Variants in TTC3 observed in about 807,000 individuals in gnomAD.
TTC3 encodes E3 ubiquitin-protein ligase TTC3.
In TTC3, 180 loss-of-function variants were observed where a neutral mutation model predicts 249.6. The observed-to-expected ratio is 0.72, with a 90% CI of 0.64 to 0.82. TTC3 has a LOEUF of 0.82. TTC3 is among the 40% of genes least tolerant of loss of function. The pLI, the probability that TTC3 is intolerant of heterozygous loss-of-function variation, is 0.00. For synonymous variants in TTC3, 717 were observed against 805.0 expected, an observed-to-expected ratio of 0.89 and a Z score of 1.85; for missense variants, 2,061 against 2,398.4, an observed-to-expected ratio of 0.86 and a Z score of 2.94.
chr21:37,131,494 A>G (rs1190638553), intron 16 of TTC3, among the ~76,000 whole-genome samples: 3 of 152,108 alleles, frequency 2.0e-5, no homozygotes, highest in Admixed American at 6.5e-5. Flanking sequence ...CAACCTTCCT[A>G]TGCATCTCTT....
chr21:37,166,827 C>T (rs1259488493), intron 33 of TTC3, among the ~76,000 whole-genome samples: 2 of 152,136 alleles, frequency 1.3e-5, no homozygotes, highest in African/African-American at 4.8e-5. Context: ...ATAAACAATA[C>T]CCATCTTTGC....
chr21:37,088,042 A>G, intron 3 of TTC3, 154 bp from the exon 4 acceptor site: 1 of 936,938 alleles, frequency 1.1e-6, no homozygotes. Flanking sequence ...AGTTTTTGCC[A>G]GCACTTAAAT....
intron 17 of TTC3, among the ~76,000 whole-genome samples, chr21:37,133,640 C>A (rs577733465): frequency 1.7e-4 from 26 of 152,216 alleles, no homozygotes; most frequent in Non-Finnish European, 3.5e-4. Context: ...ATTGGGTGCA[C>A]AGTGATATGA....
chr21:37,130,188 C>A (rs2077358215), intron 16 of TTC3, among the ~76,000 whole-genome samples: 1 of 151,966 alleles, frequency 6.6e-6, no homozygotes, highest in African/African-American at 2.4e-5. Flanking sequence ...AGTGAAGTCT[C>A]ATTTCTTTTC....
At chr21:37,171,819 T>C (rs2081823976) in intron 34 of TTC3, among the ~76,000 whole-genome samples, 1 of 152,184 alleles carries the variant, frequency 6.6e-6, no homozygotes, top group South Asian at 2.1e-4. Context: ...AAATACTTGA[T>C]TCCCTGCTTT....
chr21:37,138,741 C>G, intron 19 of TTC3, 27 bp downstream of exon 19: 1 of 1,483,688 alleles, frequency 6.7e-7, no homozygotes, highest in Non-Finnish European at 9.3e-7. Context: ...TGGTAATAAA[C>G]AATTAAAATG....
chr21:37,132,627 T>C, intron 16 of TTC3, 55 bp from the exon 17 acceptor site: 1 of 1,431,490 alleles, frequency 7.0e-7, no homozygotes, highest in Non-Finnish European at 9.5e-7. Flanking sequence ...TTTTTCTTTA[T>C]ATGAGTAGAA....
rs762290774 is a variant in TTC3 at position 37,129,100 on chromosome 21, A to G, written c.1358+37A>G. On this transcript the variant is annotated intron_variant, in intron 16 of 45. Transcript: ENST00000355666. ...CTCTAAGGTATGTTTTTTTCCCCTT[A>G]ATATACTCTTCCCAAGAAAAAGGAA... The G allele has an allele frequency of 7.5e-6, 11 of 1,461,298 alleles. No homozygotes were observed. In the Admixed American group the frequency reaches 2.4e-4, roughly 32 times the overall value. The allele number at this position is 1,461,298 out of a possible 1,614,324, so 90.5% of individuals were successfully genotyped here.
At chr21:37,147,355 T>G in intron 21 of TTC3, 126 bp from the exon 22 acceptor site, 2 of 811,564 alleles carry the variant, frequency 2.5e-6, no homozygotes, top group South Asian at 2.4e-5. Flanking sequence ...TAGTTTGTTG[T>G]TGGTGAAAAA....
chr21:37,075,393 A>G (rs369592053), intron 1 of TTC3, among the ~76,000 whole-genome samples: 2 of 152,298 alleles, frequency 1.3e-5, no homozygotes, highest in East Asian at 1.9e-4. Context: ...CTGCTTGTGC[A>G]CACATTTGGA....
At chr21:37,152,309 A>C (rs992047908) in intron 26 of TTC3, among the ~76,000 whole-genome samples, 2 of 152,044 alleles carry the variant, frequency 1.3e-5, no homozygotes, top group African/African-American at 4.8e-5. Context: ...TTGTATATAA[A>C]GTTAAGGTAG....
intron 11 of TTC3, among the ~76,000 whole-genome samples, chr21:37,116,638 G>A (rs975244873): frequency 2.6e-5 from 4 of 151,522 alleles, no homozygotes; most frequent in South Asian, 2.1e-4. Flanking sequence ...GTGAAACCCC[G>A]TCTCTACAAA....
chr21:37,091,018 A>G (rs1474460377), intron 6 of TTC3, among the ~76,000 whole-genome samples: 2 of 152,216 alleles, frequency 1.3e-5, no homozygotes, highest in African/African-American at 4.8e-5. Flanking sequence ...TGTAGACCTC[A>G]AATTGCAGGT....
Position 37,165,857 on chromosome 21 carries a change from A to T in TTC3, c.3643A>T (p.Lys1215Ter). 1 of 1,614,230 alleles carries T rather than the reference A, an allele frequency of 6.2e-7. No homozygotes were observed. Among genetic ancestry groups the T allele is most frequent in the Non-Finnish European group, 8.5e-7 (1 of 1,180,038 alleles). ...ACTGAATCCAGCTGCTAGGGAATTTAAACCAGATGTAAAGTCTAAACCAGT... is the reference window on the plus strand; with the variant it reads ...ACTGAATCCAGCTGCTAGGGAATTTTAACCAGATGTAAAGTCTAAACCAGT... Residue 1215 changes from lysine (K) to a stop codon, truncating the protein, a stop_gained, in exon 33 of 46, where the codon AAA (lysine) becomes TAA (stop). Coordinates refer to ENST00000355666, the Ensembl canonical transcript of TTC3. LOFTEE classifies it high-confidence loss of function.
At chr21:37,132,965 G>A (rs1211647981) in intron 17 of TTC3, among the ~76,000 whole-genome samples, 199 bp downstream of exon 17, 1 of 152,122 alleles carries the variant, frequency 6.6e-6, no homozygotes, top group Admixed American at 6.5e-5. Flanking sequence ...TCCTCTTAAA[G>A]TGTTGGGATT....
At chr21:37,129,010 T>G (rs1308747563) in exon 16 of TTC3, 1 of 1,593,016 alleles carries the variant, frequency 6.3e-7, no homozygotes. Flanking sequence ...CAGGTCAGCC[T>G]CCAAAACATA....
intron 28 of TTC3, chr21:37,158,200 G>A: frequency 1.0e-6 from 1 of 985,438 alleles, no homozygotes; most frequent in Non-Finnish European, 1.2e-6. Context: ...GTTTGCTGCT[G>A]CTGGTAATAA....
At chr21:37,152,164 T>C (rs1368748534) in intron 26 of TTC3, 135 bp downstream of exon 26, 11 of 1,063,058 alleles carry the variant, frequency 1.0e-5, no homozygotes, top group Non-Finnish European at 1.4e-5. Flanking sequence ...ATACTATCAC[T>C]GTCTTCTGTT....
intron 35 of TTC3, among the ~76,000 whole-genome samples, chr21:37,179,362 A>G (rs911259245): frequency 2.6e-5 from 4 of 152,324 alleles, no homozygotes; most frequent in East Asian, 3.9e-4. Flanking sequence ...GCACATATTT[A>G]CTTCCATCTT....
Sources: gnomAD v4.1 joint callset for allele counts (sites outside exome capture counted in the v4.1 genomes callset) on GRCh38, gnomAD v4.1.1 for gene constraint, MANE v1.5 for transcripts, NCBI Gene and HGNC (gene_info 2026-07-23, HGNC 2026-07-21) for gene names.